The following DERA variants were observed in gnomAD, a reference collection of about 807,000 sequenced individuals.
DERA encodes the protein 2-deoxy-D-ribose 5-phosphate aldolase.
DERA carries 15 observed loss-of-function variants against 41.1 expected under a neutral mutation model. The ratio of observed to expected loss-of-function variants is 0.37; its 90% confidence interval spans 0.24 to 0.56. The LOEUF (loss-of-function observed/expected upper bound fraction) is 0.56, where lower values mean the gene tolerates loss of function less well. Ranked by LOEUF, DERA falls within the 20% of genes least tolerant of loss-of-function variation. The pLI is 0.81. For missense variants in DERA, 396 were observed against 403.4 expected (o/e 0.98, Z 0.16); for synonymous variants, 139 against 137.4 (o/e 1.01, Z -0.08).
At chr12:15,925,984 G>T (rs914934619) in intron 1 of DERA, among the ~76,000 whole-genome samples, 1 of 151,502 alleles carries the variant, frequency 6.6e-6, no homozygotes, top group African/African-American at 2.4e-5. Context: ...TCACACACCC[G>T]GCTGATTTTT....
rs1343828670 is a variant in DERA, at chr12:15,985,655, A to G, written c.637+3219A>G. Among the ~76,000 whole-genome samples the G allele has an allele frequency of 6.6e-6, 1 of 151,478 alleles. No individual in the cohort carries two copies. The highest frequency in any genetic ancestry group is 1.5e-5 in the Non-Finnish European group (1 of 67,886). On this transcript the variant is annotated intron_variant, in intron 6 of 8. Transcript: ENST00000428559. This position sits in a 1 kb window ranked among gnomAD's most constrained non-coding sequence, Gnocchi z 4.2. The stretch of plus-strand genomic sequence containing the variant: ...TTTAGAGTGCTATTTACAATGAGAT[A>G]TTTACTTTCCAAATATTTTGTGCTT...
In DERA at chr12:16,020,664, T is replaced by C. The variant is rs563740493; in HGVS notation, c.638-11878T>C. ...AAGATGAGAGAAAGTTTGAAACTTATGAGAGACTGGTTAAATGGTTGTGAG... is the reference window on the plus strand; with the variant it reads ...AAGATGAGAGAAAGTTTGAAACTTACGAGAGACTGGTTAAATGGTTGTGAG... On this transcript the variant is annotated intron_variant, in intron 6 of 8. Transcript: ENST00000428559. This position sits in a 1 kb window ranked among gnomAD's most constrained non-coding sequence, Gnocchi z 5.5. Among the ~76,000 whole-genome samples, 28 of 152,290 alleles carry C rather than the reference T, an allele frequency of 1.8e-4. No individual in the cohort carries two copies. Among genetic ancestry groups the C allele is most frequent in the Admixed American group, 5.9e-4 (9 of 15,300 alleles).
rs1948820154 is a variant in DERA at position 15,994,036 on chromosome 12, C to T, written c.637+11600C>T. ...TTTTTTATGTGGCATATTTTCTGGT[C>T]TGTGTAAAATTTTATTGTCTGAAAT... On this transcript the variant is annotated intron_variant, in intron 6 of 8. Coordinates refer to ENST00000428559, the MANE Select transcript of DERA (RefSeq NM_015954.4). This position sits in a 1 kb window ranked among gnomAD's most constrained non-coding sequence, Gnocchi z 4.8. 6.6e-6 allele frequency among the ~76,000 whole-genome samples: 1 copy of T among 152,184 alleles called. No homozygotes were observed. Among genetic ancestry groups the T allele is most frequent in the Non-Finnish European group, 1.5e-5 (1 of 68,022 alleles).
Position 16,019,602 on chromosome 12 carries a change from CA to C in DERA, c.638-12939del, listed in dbSNP as rs1232821843. ...TGTATTCTTTCATTATTTGGTATGC[CA>C]TATACTTTCTTTGCTTTTGGTGTTT... is the stretch of plus-strand genomic sequence containing the variant. On this transcript the variant is annotated intron_variant, in intron 6 of 8. Coordinates refer to ENST00000428559, the MANE Select transcript of DERA (RefSeq NM_015954.4). This position sits in a 1 kb window ranked among gnomAD's most constrained non-coding sequence, Gnocchi z 4.4. Among the ~76,000 whole-genome samples, 1 of 152,124 alleles carries C rather than the reference CA, an allele frequency of 6.6e-6. No individual in the cohort carries two copies. The highest frequency in any genetic ancestry group is 1.5e-5 in the Non-Finnish European group (1 of 68,026).
intron 6 of DERA, among the ~76,000 whole-genome samples, chr12:16,029,909 T>G (rs1949079659): frequency 7.4e-6 from 1 of 134,736 alleles, no homozygotes; most frequent in Non-Finnish European, 1.6e-5. Flanking sequence ...AATGTAGCCT[T>G]GGTCTTTTTT....
At chr12:15,969,466 T>C (rs1299220741) in intron 5 of DERA, among the ~76,000 whole-genome samples, 3 of 152,184 alleles carry the variant, frequency 2.0e-5, no homozygotes, top group Non-Finnish European at 4.4e-5. Context: ...GCTAGGATTG[T>C]CTGACATTCT....
intron 1 of DERA, among the ~76,000 whole-genome samples, chr12:15,950,905 G>C (rs867298741): frequency 6.6e-6 from 1 of 152,210 alleles, no homozygotes; most frequent in Non-Finnish European, 1.5e-5. Flanking sequence ...CACCATTTTG[G>C]ATAGCCCTTT....
chr12:15,938,698 T>C lies in DERA; in HGVS notation c.32-18238T>C, dbSNP rs139028299. Among the ~76,000 whole-genome samples the C allele has an allele frequency of 5.1e-4, 77 of 152,342 alleles. No individual in the cohort carries two copies. In the East Asian group the frequency reaches 0.014, roughly 27 times the overall value. ...CAATTCACATTTTTTAATTGAAATG[T>C]GTAAATATTTTACCAGAAATGTTTT... On this transcript the variant is annotated intron_variant, in intron 1 of 8. Transcript: ENST00000428559. The surrounding 1 kb of genome is among the most constrained non-coding windows in gnomAD (Gnocchi z 4.1).
At chr12:15,979,777 A>G (rs1410544076) in intron 5 of DERA, among the ~76,000 whole-genome samples, 1 of 152,248 alleles carries the variant, frequency 6.6e-6, no homozygotes, top group African/African-American at 2.4e-5. Flanking sequence ...CATGGATTAA[A>G]GAGTATAACT....
Position 15,998,610 on chromosome 12 carries a change from C to A in DERA, c.637+16174C>A, listed in dbSNP as rs1354551809. Among the ~76,000 whole-genome samples, 1 of 152,156 alleles carries A rather than the reference C, an allele frequency of 6.6e-6. No individual in the cohort carries two copies. Among genetic ancestry groups the A allele is most frequent in the South Asian group, 2.1e-4 (1 of 4,824 alleles). On this transcript the variant is annotated intron_variant, in intron 6 of 8. Transcript: ENST00000428559. This position sits in a 1 kb window ranked among gnomAD's most constrained non-coding sequence, Gnocchi z 4.8. ...GGAATTACAGGTGTGAGCCACCACG[C>A]CTGGCCTAACACAGGAAGTCTTTCA...
rs554022024 is a variant in DERA, at chr12:16,013,688, C to T, written c.638-18854C>T. The stretch of plus-strand genomic sequence containing the variant: ...ACTGCTATAAGGATACCCGAAAATG[C>T]GGAAGCAACTTTGGAACTGGTTAAC... On this transcript the variant is annotated intron_variant, in intron 6 of 8. Coordinates refer to ENST00000428559, the MANE Select transcript of DERA (RefSeq NM_015954.4). This position sits in a 1 kb window ranked among gnomAD's most constrained non-coding sequence, Gnocchi z 5.8. Among the ~76,000 whole-genome samples, 4 of 152,236 alleles carry T rather than the reference C, an allele frequency of 2.6e-5. No homozygotes were observed. Among genetic ancestry groups the T allele is most frequent in the South Asian group, 2.1e-4 (1 of 4,826 alleles).
intron 1 of DERA, 71 bp from the exon 2 acceptor site, chr12:15,956,865 A>G (rs762155989): frequency 5.7e-6 from 6 of 1,055,956 alleles, no homozygotes; most frequent in Non-Finnish European, 8.9e-6. Flanking sequence ...CCTTTCAAGG[A>G]CCATGTAAAA....
chr12:15,984,268 C>T lies in DERA; in HGVS notation c.637+1832C>T, dbSNP rs764631080. On this transcript the variant is annotated intron_variant, in intron 6 of 8. Coordinates refer to ENST00000428559, the MANE Select transcript of DERA (RefSeq NM_015954.4). This position sits in a 1 kb window ranked among gnomAD's most constrained non-coding sequence, Gnocchi z 4.5. ...TGGGAGGTCAGCCAACCCTGTCCTACGCACAGCACCTACTACTCATGATAC... is the reference window on the plus strand; with the variant it reads ...TGGGAGGTCAGCCAACCCTGTCCTATGCACAGCACCTACTACTCATGATAC... Among the ~76,000 whole-genome samples, 34 of 152,104 alleles carry T rather than the reference C, an allele frequency of 2.2e-4. No homozygotes were observed. Among genetic ancestry groups the T allele is most frequent in the South Asian group, 4.2e-4 (2 of 4,816 alleles).
chr12:16,017,270 C>T lies in DERA; in HGVS notation c.638-15272C>T, dbSNP rs530790701. Among the ~76,000 whole-genome samples, 27 of 152,338 alleles carry T rather than the reference C, an allele frequency of 1.8e-4. No individual in the cohort carries two copies. Among genetic ancestry groups the T allele is most frequent in the Admixed American group, 5.2e-4 (8 of 15,302 alleles). ...CTTTCTGACTGCCATTATGCTTAAA[C>T]AAGCATCATTGCTTAGTTATCGTGT... is the stretch of plus-strand genomic sequence containing the variant. On this transcript the variant is annotated intron_variant, in intron 6 of 8. Coordinates refer to ENST00000428559, the MANE Select transcript of DERA (RefSeq NM_015954.4). The surrounding 1 kb of genome is among the most constrained non-coding windows in gnomAD (Gnocchi z 5.5).
In DERA at chr12:15,998,498, G is replaced by T. The variant is rs537044021; in HGVS notation, c.637+16062G>T. On this transcript the variant is annotated intron_variant, in intron 6 of 8. Coordinates refer to ENST00000428559, the MANE Select transcript of DERA (RefSeq NM_015954.4). This position sits in a 1 kb window ranked among gnomAD's most constrained non-coding sequence, Gnocchi z 4.8. ...ATGCCCGGCTAATTTTCTATTTTTA[G>T]TAGAGATGGGGTTTCTTCATATTGG... 6.6e-6 allele frequency among the ~76,000 whole-genome samples: 1 copy of T among 151,982 alleles called. No homozygotes were observed. The highest frequency in any genetic ancestry group is 1.9e-4 in the East Asian group (1 of 5,174).
At position 15,936,577 on chromosome 12, in the gene DERA, A is replaced by C. The variant is rs1291724082; in HGVS notation, c.32-20359A>C. On this transcript the variant is annotated intron_variant, in intron 1 of 8. Transcript: ENST00000428559. The surrounding 1 kb of genome is among the most constrained non-coding windows in gnomAD (Gnocchi z 4.6). ...CATTGTCACAGTATCCAAATTTGAAATAATTCCTGGTTAACATCTAATACT... is the reference window on the plus strand; with the variant it reads ...CATTGTCACAGTATCCAAATTTGAACTAATTCCTGGTTAACATCTAATACT... Among the ~76,000 whole-genome samples the C allele has an allele frequency of 1.3e-5, 2 of 152,218 alleles. No homozygotes were observed. The highest frequency in any genetic ancestry group is 4.8e-5 in the African/African-American group (2 of 41,452).
intron 6 of DERA, among the ~76,000 whole-genome samples, chr12:16,023,419 A>G (rs545316192): frequency 6.6e-6 from 1 of 151,828 alleles, no homozygotes; most frequent in Admixed American, 6.6e-5. Flanking sequence ...TATCATGCAT[A>G]GCTTTCAACA....
chr12:15,953,443 T>C (rs1386655525), intron 1 of DERA, among the ~76,000 whole-genome samples: 1 of 152,160 alleles, frequency 6.6e-6, no homozygotes, highest in African/African-American at 2.4e-5. Flanking sequence ...CCACTACGAC[T>C]TGAACCAGAA....
At position 15,965,659 on chromosome 12, in the gene DERA, C is replaced by T. The variant is rs1948617378; in HGVS notation, c.508+2712C>T. ...GTTTGATATTCCTCTCTGGGTTCTC[C>T]TTAGTGACCATTTAAAATGTCCACT... On this transcript the variant is annotated intron_variant, in intron 5 of 8. Transcript: ENST00000428559. The surrounding 1 kb of genome is among the most constrained non-coding windows in gnomAD (Gnocchi z 4.1). Among the ~76,000 whole-genome samples the T allele has an allele frequency of 6.6e-6, 1 of 152,082 alleles. No individual in the cohort carries two copies. The highest frequency in any genetic ancestry group is 1.5e-5 in the Non-Finnish European group (1 of 68,012).
Sources: gnomAD v4.1 joint callset for allele counts (sites outside exome capture counted in the v4.1 genomes callset) on GRCh38, gnomAD v4.1.1 for gene constraint, Gnocchi (gnomAD v3.1) non-coding constraint, MANE v1.5 for transcripts, NCBI Gene and HGNC (gene_info 2026-07-23, HGNC 2026-07-21) for gene names.